The following KCNMA1 variants were observed in gnomAD, a reference collection of about 807,000 sequenced individuals.
KCNMA1 encodes Calcium-activated potassium channel subunit alpha-1.
In KCNMA1, 29 loss-of-function variants were observed where a neutral mutation model predicts 140.0. The observed-to-expected ratio is 0.21, with a 90% CI of 0.15 to 0.28. The LOEUF (loss-of-function observed/expected upper bound fraction) is 0.28, where lower values mean the gene tolerates loss of function less well. Ranked by LOEUF, KCNMA1 falls within the 10% of genes least tolerant of loss-of-function variation. The pLI is 1.00. For missense variants in KCNMA1, 880 were observed against 1,602.2 expected, an observed-to-expected ratio of 0.55 and a Z score of 7.70; for synonymous variants, 612 against 611.9, an observed-to-expected ratio of 1.00 and a Z score of 0.00.
At chr10:77,157,414 T>C (rs767421879) in intron 5 of KCNMA1, among the ~76,000 whole-genome samples, 13 of 152,108 alleles carry the variant, frequency 8.5e-5, no homozygotes, top group Non-Finnish European at 1.8e-4. Context: ...GAAAAATATC[T>C]AGAATGATCT....
chr10:77,636,368 G>C lies in KCNMA1; in HGVS notation c.378+897C>G, dbSNP rs570212657. On this transcript the variant is annotated intron_variant, in intron 1 of 27. Transcript: ENST00000286628. The stretch of plus-strand genomic sequence containing the variant: ...GTGTCGCCAGCCTCAGTGCCGGTGG[G>C]CGTCTGCACCAGGAATAGCTAAAGC... 4,578 of 1,533,250 alleles carry C rather than the reference G, an allele frequency of 3.0e-3. 10 individuals are homozygous for C. Among genetic ancestry groups the C allele is most frequent in the Non-Finnish European group, 3.4e-3 (3,905 of 1,144,558 alleles). 95.0% of individuals were successfully genotyped at this position (1,533,250 alleles called of 1,614,324 possible).
intron 2 of KCNMA1, chr10:77,372,958 T>A (rs2094839453): frequency 6.6e-6 from 1 of 152,242 alleles, no homozygotes; most frequent in African/African-American, 2.4e-5. Flanking sequence ...GTAAGTACCT[T>A]TGTTGACTTG....
intron 25 of KCNMA1, among the ~76,000 whole-genome samples, chr10:76,900,551 A>G (rs2044709585): frequency 6.6e-6 from 1 of 152,130 alleles, no homozygotes; most frequent in South Asian, 2.1e-4. Context: ...ATGTTACTAA[A>G]TAGTTAAAGG....
intron 23 of KCNMA1, among the ~76,000 whole-genome samples, chr10:76,942,549 A>G (rs2062809126): frequency 6.6e-6 from 1 of 152,166 alleles, no homozygotes; most frequent in African/African-American, 2.4e-5. Context: ...ATCCTGTGCT[A>G]TAAAAGAATA....
intron 1 of KCNMA1, among the ~76,000 whole-genome samples, chr10:77,614,242 A>G (rs992935441): frequency 6.6e-6 from 1 of 152,218 alleles, no homozygotes; most frequent in Non-Finnish European, 1.5e-5. Context: ...GAGGTTACTG[A>G]ATGCTCGTTT....
intron 1 of KCNMA1, among the ~76,000 whole-genome samples, chr10:77,538,079 CCACATACTCTCACATT>C (rs1470547393): frequency 1.3e-5 from 2 of 151,174 alleles, no homozygotes; most frequent in Non-Finnish European, 3.0e-5. Context: ...TCACACACAT[CCACATACTCTCACATT>C]CACATACTCT....
chr10:77,538,707 C>G (rs1047899660), intron 1 of KCNMA1, among the ~76,000 whole-genome samples: 2 of 151,986 alleles, frequency 1.3e-5, no homozygotes, highest in Non-Finnish European at 2.9e-5. Context: ...ACCTTGGTCC[C>G]TCTGCCACAG....
Position 76,914,803 on chromosome 10 carries a change from C to T in KCNMA1, c.3016+133G>A, listed in dbSNP as rs189442160. ...GCCATATTTCTCCCCATACCTTCCTCCCAGCCCCCTCAAAACAAACCCCAT... is the reference window on the plus strand; with the variant it reads ...GCCATATTTCTCCCCATACCTTCCTTCCAGCCCCCTCAAAACAAACCCCAT... On this transcript the variant is annotated intron_variant, in intron 24 of 27. Transcript: ENST00000286628. The T allele has an allele frequency of 5.5e-6, 4 of 722,528 alleles. No individual in the cohort carries two copies. The East Asian group carries it at 1.0e-4, about 19-fold the overall frequency. The allele number at this position is 722,528 out of a possible 1,614,324, so 44.8% of individuals were successfully genotyped here. A position where few individuals can be genotyped will look rare whatever the true frequency, so the allele number is the denominator to read the frequency against.
At chr10:76,918,223 T>A (rs1344353340) in intron 23 of KCNMA1, among the ~76,000 whole-genome samples, 1 of 152,242 alleles carries the variant, frequency 6.6e-6, no homozygotes, top group Non-Finnish European at 1.5e-5. Flanking sequence ...AACACTCCCT[T>A]CATTAGTTAA....
Position 76,895,810 on chromosome 10 carries a change from G to T in KCNMA1, c.3148-4091C>A, listed in dbSNP as rs573162004. 3.3e-5 allele frequency among the ~76,000 whole-genome samples: 5 copies of T among 152,310 alleles called. No homozygotes were observed. In the East Asian group the frequency reaches 7.7e-4, roughly 24 times the overall value. Reference sequence around the variant, plus strand: ...TGGGTGTCTGGGGGAGACATCACATGTCGGCGGGTTCCATGATGCCCCCTG... The same window carrying T: ...TGGGTGTCTGGGGGAGACATCACATTTCGGCGGGTTCCATGATGCCCCCTG... On this transcript the variant is annotated intron_variant, in intron 25 of 27. Transcript: ENST00000286628.
intron 5 of KCNMA1, among the ~76,000 whole-genome samples, chr10:77,143,480 C>A (rs1354457167): frequency 6.6e-6 from 1 of 152,002 alleles, no homozygotes; most frequent in Non-Finnish European, 1.5e-5. Context: ...AGCACCAATA[C>A]AACTCAATGA....
rs537483488 is a variant in KCNMA1 at position 77,580,437 on chromosome 10, A to G, written c.378+56828T>C. On this transcript the variant is annotated intron_variant, in intron 1 of 27. Coordinates refer to ENST00000286628, the MANE Select transcript of KCNMA1 (RefSeq NM_001161352.2). ...TTCAGAAATGCAAACTAAAATCTCT[A>G]GGGATGAAATCCTGTGATATTGGTA... Among the ~76,000 whole-genome samples, 5 of 152,206 alleles carry G rather than the reference A, an allele frequency of 3.3e-5. No individual in the cohort carries two copies. In the South Asian group the frequency reaches 1.0e-3, roughly 32 times the overall value.
intron 1 of KCNMA1, among the ~76,000 whole-genome samples, chr10:77,452,213 G>A (rs1211738508): frequency 1.3e-5 from 2 of 152,140 alleles, no homozygotes; most frequent in African/African-American, 4.8e-5. Context: ...CAGACAGTAA[G>A]ACTGGCCATG....
At chr10:77,069,776 C>G (rs2096119498) in intron 14 of KCNMA1, among the ~76,000 whole-genome samples, 1 of 152,054 alleles carries the variant, frequency 6.6e-6, no homozygotes, top group Admixed American at 6.6e-5. Context: ...CAGGCTGGGC[C>G]TCTTTTGTAA....
intron 1 of KCNMA1, among the ~76,000 whole-genome samples, chr10:77,425,921 G>A (rs1415559659): frequency 6.6e-6 from 1 of 152,140 alleles, no homozygotes; most frequent in Non-Finnish European, 1.5e-5. Context: ...GGCTGAGAGA[G>A]GATAAGCTAA....
chr10:77,156,864 G>A (rs2098491767), intron 5 of KCNMA1, among the ~76,000 whole-genome samples: 1 of 152,096 alleles, frequency 6.6e-6, no homozygotes, highest in South Asian at 2.1e-4. Context: ...CGAGTGGACT[G>A]TTTTCCATAC....
At chr10:76,969,281 G>A (rs1211601638) in intron 20 of KCNMA1, among the ~76,000 whole-genome samples, 3 of 147,224 alleles carry the variant, frequency 2.0e-5, no homozygotes, top group Non-Finnish European at 3.0e-5. Flanking sequence ...GGAGGGGGAA[G>A]AAGGGAAGGA....
intron 3 of KCNMA1, among the ~76,000 whole-genome samples, chr10:77,238,351 A>C (rs1165929393): frequency 6.6e-6 from 1 of 152,078 alleles, no homozygotes; most frequent in Non-Finnish European, 1.5e-5. Flanking sequence ...TTGGCTGGAG[A>C]TTGTTTGCAT....
intron 1 of KCNMA1, among the ~76,000 whole-genome samples, chr10:77,409,092 C>A (rs190099726): frequency 1.3e-5 from 2 of 152,314 alleles, no homozygotes; most frequent in East Asian, 3.9e-4. Flanking sequence ...TGCCTTCTCC[C>A]CATTCCCTTT....
Sources: gnomAD v4.1 joint callset for allele counts (sites outside exome capture counted in the v4.1 genomes callset) on GRCh38, gnomAD v4.1.1 for gene constraint, MANE v1.5 for transcripts, NCBI Gene and HGNC (gene_info 2026-07-23, HGNC 2026-07-21) for gene names.